The following KCNH8 variants were observed in gnomAD, a reference collection of about 807,000 sequenced individuals.
KCNH8 encodes the protein voltage-gated delayed rectifier potassium channel KCNH8.
A neutral mutation model predicts 103.6 loss-of-function variants in KCNH8; 70 were observed. That is an observed-to-expected ratio of 0.68 (90% CI 0.56 to 0.82). The LOEUF (loss-of-function observed/expected upper bound fraction) is 0.82, where lower values mean the gene tolerates loss of function less well. Ranked by LOEUF, KCNH8 falls within the 40% of genes least tolerant of loss-of-function variation. The probability of loss-of-function intolerance (pLI) is 0.00; values close to 1 mark genes in which losing one functional copy is unlikely to be tolerated. For missense variants in KCNH8, 1,217 were observed against 1,329.9 expected (o/e 0.92, Z 1.32); for synonymous variants, 498 against 489.4 (o/e 1.02, Z -0.23).
intron 1 of KCNH8, among the ~76,000 whole-genome samples, chr3:19,209,340 A>C (rs1365373046): frequency 1.3e-5 from 2 of 152,070 alleles, no homozygotes; most frequent in Non-Finnish European, 2.9e-5. Context: ...TGCTTTTCTC[A>C]TGTAGGAAAA....
intron 5 of KCNH8, among the ~76,000 whole-genome samples, chr3:19,358,880 A>AT (rs914456773): frequency 1.3e-5 from 2 of 152,004 alleles, no homozygotes; most frequent in Admixed American, 1.3e-4. Flanking sequence ...TAAAACAAAA[A>AT]TATTAATGGA....
intron 15 of KCNH8, among the ~76,000 whole-genome samples, chr3:19,525,209 TA>T (rs912959201): frequency 6.6e-6 from 1 of 151,794 alleles, no homozygotes; most frequent in African/African-American, 2.4e-5. Context: ...TTTGTCAATT[TA>T]AAAAATCAAA....
intron 1 of KCNH8, among the ~76,000 whole-genome samples, chr3:19,191,118 TG>T (rs1173167214): frequency 2.6e-5 from 4 of 151,918 alleles, no homozygotes; most frequent in Admixed American, 1.3e-4. Flanking sequence ...TTATCTTTTT[TG>T]TTTCAAAAAT....
At chr3:19,168,152 G>A (rs2063304082) in intron 1 of KCNH8, among the ~76,000 whole-genome samples, 1 of 151,890 alleles carries the variant, frequency 6.6e-6, no homozygotes, top group African/African-American at 2.4e-5. Flanking sequence ...TGGGATTACA[G>A]GTGCCTGCCG....
intron 11 of KCNH8, among the ~76,000 whole-genome samples, chr3:19,472,385 T>C (rs1272485407): frequency 2.6e-5 from 4 of 152,166 alleles, no homozygotes; most frequent in African/African-American, 4.8e-5. Context: ...ATTCCCACTG[T>C]TGTGGGAGGG....
At chr3:19,338,279 T>C (rs1348216540) in intron 3 of KCNH8, among the ~76,000 whole-genome samples, 2 of 151,972 alleles carry the variant, frequency 1.3e-5, no homozygotes, top group Non-Finnish European at 2.9e-5. Context: ...GATGCTGAAC[T>C]CCTTTCTGTC....
intron 1 of KCNH8, among the ~76,000 whole-genome samples, chr3:19,216,724 C>T (rs995618794): frequency 6.6e-6 from 1 of 152,236 alleles, no homozygotes; most frequent in African/African-American, 2.4e-5. Flanking sequence ...GCTGCTCACT[C>T]ATTGATACAT....
intron 15 of KCNH8, among the ~76,000 whole-genome samples, chr3:19,526,788 T>C (rs1472788339): frequency 1.3e-5 from 2 of 152,012 alleles, no homozygotes; most frequent in Non-Finnish European, 2.9e-5. Context: ...CTTTCAGTGA[T>C]ATTTAGGGGC....
intron 1 of KCNH8, among the ~76,000 whole-genome samples, chr3:19,232,242 T>C (rs901660452): frequency 5.3e-5 from 8 of 152,206 alleles, no homozygotes; most frequent in Admixed American, 3.3e-4. Context: ...CTAATGTAAC[T>C]TGAATACGTC....
intron 3 of KCNH8, among the ~76,000 whole-genome samples, chr3:19,304,875 A>G (rs958141298): frequency 9.2e-5 from 14 of 152,058 alleles, no homozygotes; most frequent in African/African-American, 3.1e-4. Flanking sequence ...CAAATGTGAA[A>G]AGCCACATGT....
At chr3:19,461,321 G>C (rs1450426611) in intron 11 of KCNH8, among the ~76,000 whole-genome samples, 1 of 152,084 alleles carries the variant, frequency 6.6e-6, no homozygotes, top group Admixed American at 6.6e-5. Flanking sequence ...AGATAAGTTT[G>C]GACCTCTGTT....
At chr3:19,455,935 A>C (rs1166511241) in intron 10 of KCNH8, among the ~76,000 whole-genome samples, 1 of 152,058 alleles carries the variant, frequency 6.6e-6, no homozygotes, top group African/African-American at 2.4e-5. Context: ...AAATTTAAAA[A>C]TTTGCTGTAT....
intron 3 of KCNH8, among the ~76,000 whole-genome samples, chr3:19,294,902 T>G (rs971448897): frequency 5.3e-5 from 8 of 152,222 alleles, no homozygotes; most frequent in Non-Finnish European, 7.3e-5. Flanking sequence ...TTCGTTCTGA[T>G]GGTGAGTAGC....
intron 1 of KCNH8, among the ~76,000 whole-genome samples, chr3:19,213,388 A>G (rs903448177): frequency 6.6e-6 from 1 of 152,124 alleles, no homozygotes; most frequent in Non-Finnish European, 1.5e-5. Flanking sequence ...TGAAATTTGT[A>G]TCTCTGGAAC....
At chr3:19,208,761 CA>C (rs1256088264) in intron 1 of KCNH8, among the ~76,000 whole-genome samples, 1 of 151,908 alleles carries the variant, frequency 6.6e-6, no homozygotes, top group African/African-American at 2.4e-5. Context: ...AGACTTATGG[CA>C]GATATGGTGT....
intron 1 of KCNH8, among the ~76,000 whole-genome samples, chr3:19,225,324 G>A (rs543505107): frequency 6.6e-6 from 1 of 152,072 alleles, no homozygotes; most frequent in African/African-American, 2.4e-5. Context: ...GTGACTTTTG[G>A]AAGTGACTTA....
chr3:19,343,641 T>C (rs192877292), intron 4 of KCNH8, among the ~76,000 whole-genome samples: 12 of 152,190 alleles, frequency 7.9e-5, no homozygotes, highest in African/African-American at 2.6e-4. Context: ...TGGAATCGAT[T>C]TAAGATCCAG....
At position 19,432,154 on chromosome 3, in the gene KCNH8, T is replaced by G. The variant is rs146127022; in HGVS notation, c.1178-6010T>G. On this transcript the variant is annotated intron_variant, in intron 7 of 15. Transcript: ENST00000328405. ...TATTCAAGCATATTATATGGTCTAA[T>G]TTATTTTACATGTACTTTTATGATT... Among the ~76,000 whole-genome samples, 182 of 152,312 alleles carry G rather than the reference T, an allele frequency of 1.2e-3. 3 individuals are homozygous for G. The highest frequency in any genetic ancestry group is 4.3e-3 in the African/African-American group (179 of 41,566).
At chr3:19,459,971 T>C (rs936879843) in intron 11 of KCNH8, among the ~76,000 whole-genome samples, 36 of 152,218 alleles carry the variant, frequency 2.4e-4, no homozygotes, top group African/African-American at 8.2e-4. Flanking sequence ...TCTCTCTCTC[T>C]CTCTGTCATT....
Sources: gnomAD v4.1 joint callset for allele counts (sites outside exome capture counted in the v4.1 genomes callset) on GRCh38, gnomAD v4.1.1 for gene constraint, MANE v1.5 for transcripts, NCBI Gene and HGNC (gene_info 2026-07-23, HGNC 2026-07-21) for gene names.